Variants in EYS observed in about 807,000 individuals in gnomAD.
The protein encoded by EYS is EGF-like photoreceptor maintenance factor.
EYS carries 250 observed loss-of-function variants against 282.1 expected under a neutral mutation model. The observed-to-expected ratio is 0.89, with a 90% confidence interval of 0.80 to 0.98. The LOEUF (loss-of-function observed/expected upper bound fraction) is 0.98, where lower values mean the gene tolerates loss of function less well. Ranked by LOEUF, EYS falls within the 50% of genes least tolerant of loss-of-function variation. EYS has a pLI of 0.00. For synonymous variants in EYS, 1,355 were observed against 1,282.9 expected (o/e 1.06, Z -1.20); for missense variants, 4,016 against 3,709.0 (o/e 1.08, Z -2.15).
At chr6:63,961,394 G>T (rs961890585) in intron 35 of EYS, among the ~76,000 whole-genome samples, 1 of 150,270 alleles carries the variant, frequency 6.7e-6, no homozygotes, top group Non-Finnish European at 1.5e-5. Context: ...CCTTCTCCTG[G>T]CTCAGAAGCT....
intron 2 of EYS, among the ~76,000 whole-genome samples, chr6:65,509,295 T>G (rs1286568796): frequency 6.6e-6 from 1 of 152,176 alleles, no homozygotes; most frequent in African/African-American, 2.4e-5. Context: ...TGTAGAATTC[T>G]AGCTTTTCTC....
intron 1 of EYS, among the ~76,000 whole-genome samples, chr6:65,677,012 TA>T (rs1330735140): frequency 1.5e-5 from 2 of 129,258 alleles, no homozygotes; most frequent in Non-Finnish European, 3.2e-5. Context: ...TGATTATGAT[TA>T]AAAAAATTAA....
chr6:64,205,991 T>C (rs1469737353), intron 31 of EYS, among the ~76,000 whole-genome samples: 1 of 152,162 alleles, frequency 6.6e-6, no homozygotes, highest in East Asian at 1.9e-4. Flanking sequence ...ACTTGTTATT[T>C]GTTCAGAAAT....
intron 30 of EYS, among the ~76,000 whole-genome samples, chr6:64,294,975 C>A (rs528467997): frequency 2.0e-5 from 3 of 152,174 alleles, no homozygotes; most frequent in African/African-American, 7.2e-5. Context: ...TGTGTAAGAC[C>A]AACTAGCTGC....
chr6:64,764,505 A>G (rs1381595129), intron 22 of EYS, among the ~76,000 whole-genome samples: 1 of 152,114 alleles, frequency 6.6e-6, no homozygotes, highest in Non-Finnish European at 1.5e-5. Flanking sequence ...CCACAAAACC[A>G]ATTTTCCCTC....
chr6:65,529,597 A>G (rs148006911), intron 2 of EYS, among the ~76,000 whole-genome samples: 3 of 152,170 alleles, frequency 2.0e-5, no homozygotes, highest in South Asian at 2.1e-4. Flanking sequence ...CATGAAACAC[A>G]TGTTCTTCAT....
At chr6:65,224,750 G>T (rs2150262355) in intron 12 of EYS, among the ~76,000 whole-genome samples, 1 of 152,050 alleles carries the variant, frequency 6.6e-6, no homozygotes, top group South Asian at 2.1e-4. Flanking sequence ...GAAATAAAAG[G>T]ATAAAAGGAT....
At chr6:64,627,494 T>A (rs1767644923) in intron 22 of EYS, among the ~76,000 whole-genome samples, 1 of 152,154 alleles carries the variant, frequency 6.6e-6, no homozygotes. Context: ...TACCACATAT[T>A]TACTGAAAAC....
chr6:64,406,879 T>C (rs924545474), intron 28 of EYS, among the ~76,000 whole-genome samples: 1 of 152,172 alleles, frequency 6.6e-6, no homozygotes, highest in Non-Finnish European at 1.5e-5. Context: ...GTTCAACCAT[T>C]GTGGAAGACA....
At chr6:64,421,289 A>C (rs986726717) in intron 28 of EYS, among the ~76,000 whole-genome samples, 2 of 152,134 alleles carry the variant, frequency 1.3e-5, no homozygotes, top group African/African-American at 4.8e-5. Context: ...TGAGAACTTA[A>C]TATCATAAAA....
chr6:65,181,068 A>G (rs921064070), intron 12 of EYS, among the ~76,000 whole-genome samples: 1 of 152,192 alleles, frequency 6.6e-6, no homozygotes, highest in African/African-American at 2.4e-5. Context: ...AAGATGTATT[A>G]GAGACTTAAA....
chr6:64,557,217 TACAC>T (rs3994994), intron 26 of EYS, among the ~76,000 whole-genome samples: 6,085 of 147,974 alleles, frequency 0.041, 396 homozygotes, highest in African/African-American at 0.14. Flanking sequence ...CACACACACA[TACAC>T]ACACACACAC....
intron 36 of EYS, among the ~76,000 whole-genome samples, chr6:63,854,304 G>C (rs1219207641): frequency 3.3e-5 from 5 of 152,144 alleles, no homozygotes; most frequent in African/African-American, 1.2e-4. Context: ...GTCCTTTGTA[G>C]GGACATGGAT....
At chr6:65,332,575 T>C (rs1460315103) in intron 11 of EYS, among the ~76,000 whole-genome samples, 2 of 151,460 alleles carry the variant, frequency 1.3e-5, no homozygotes, top group Admixed American at 6.6e-5. Context: ...TATAGAGGGA[T>C]TGAAAACATA....
chr6:64,021,514 G>A (rs1464419217), intron 33 of EYS, among the ~76,000 whole-genome samples: 1 of 152,070 alleles, frequency 6.6e-6, no homozygotes, highest in African/African-American at 2.4e-5. Flanking sequence ...TGCACATCTT[G>A]AGAAAAATGT....
chr6:65,619,093 G>A (rs1766354839), intron 2 of EYS, among the ~76,000 whole-genome samples: 1 of 151,794 alleles, frequency 6.6e-6, no homozygotes, highest in African/African-American at 2.4e-5. Context: ...TGTGAAGAAA[G>A]GCATTGGTAG....
chr6:64,388,525 A>G (rs1330793813), intron 29 of EYS, among the ~76,000 whole-genome samples, 165 bp downstream of exon 29: 1 of 152,184 alleles, frequency 6.6e-6, no homozygotes, highest in African/African-American at 2.4e-5. Flanking sequence ...TATGATAGAT[A>G]AAAATATATA....
chr6:64,122,909 C>A (rs191936135), intron 31 of EYS, among the ~76,000 whole-genome samples: 43 of 149,612 alleles, frequency 2.9e-4, no homozygotes, highest in Admixed American at 5.9e-4. Context: ...GAAATGCTTA[C>A]AAAGCATTTT....
At chr6:65,000,448 T>C (rs1431074046) in intron 13 of EYS, among the ~76,000 whole-genome samples, 1 of 152,186 alleles carries the variant, frequency 6.6e-6, no homozygotes, top group African/African-American at 2.4e-5. Flanking sequence ...GTGACAAAAC[T>C]TTTTGGTGGA....
Sources: gnomAD v4.1 joint callset for allele counts (sites outside exome capture counted in the v4.1 genomes callset) on GRCh38, gnomAD v4.1.1 for gene constraint, MANE v1.5 for transcripts, NCBI Gene and HGNC (gene_info 2026-07-23, HGNC 2026-07-21) for gene names.